The following CUX1 variants were observed in gnomAD, a reference collection of about 807,000 sequenced individuals.
The protein encoded by CUX1 is cut like homeobox 1, also known as protein CASP.
In CUX1, 31 loss-of-function variants were observed where a neutral mutation model predicts 158.8. That is an observed-to-expected ratio of 0.20 (90% confidence interval 0.15 to 0.26). The LOEUF is 0.26. Among genes scored for constraint, CUX1 ranks in the 10% least tolerant of loss-of-function variants. The pLI is 1.00. For synonymous variants in CUX1, 879 were observed against 862.1 expected, an observed-to-expected ratio of 1.02 and a Z score of -0.34; for missense variants, 1,589 against 2,014.6, an observed-to-expected ratio of 0.79 and a Z score of 4.04.
intron 8 of CUX1, among the ~76,000 whole-genome samples, chr7:102,148,244 A>G (rs111896632): frequency 6.6e-6 from 1 of 152,162 alleles, no homozygotes. Flanking sequence ...AAGAAACAGA[A>G]CAGGACTAAA....
intron 3 of CUX1, among the ~76,000 whole-genome samples, chr7:102,044,183 G>A (rs1048388525): frequency 8.6e-5 from 13 of 150,414 alleles, no homozygotes; most frequent in East Asian, 4.0e-4. Context: ...CCCATTTTCC[G>A]TTTTTTTGTT....
At chr7:101,997,930 C>T (rs1816175138) in intron 2 of CUX1, among the ~76,000 whole-genome samples, 1 of 151,114 alleles carries the variant, frequency 6.6e-6, no homozygotes, top group Non-Finnish European at 1.5e-5. Context: ...GCAGTCCTTG[C>T]TGGCCTGACT....
At chr7:102,259,178 C>T (rs1554543003), downstream of CUX1, among the ~76,000 whole-genome samples, 1 of 152,184 alleles carries the variant, frequency 6.6e-6, no homozygotes, top group East Asian at 1.9e-4. Context: ...ATGGAGACAC[C>T]CCCCAGTGCC....
chr7:102,113,843 C>T (rs1831187111), intron 7 of CUX1, among the ~76,000 whole-genome samples: 1 of 152,104 alleles, frequency 6.6e-6, no homozygotes, highest in Non-Finnish European at 1.5e-5. Context: ...TGGGGGATTA[C>T]AGGTGTGGGC....
intron 8 of CUX1, among the ~76,000 whole-genome samples, chr7:102,144,391 C>T (rs183587594): frequency 3.3e-4 from 51 of 152,254 alleles, no homozygotes; most frequent in African/African-American, 1.1e-3. Context: ...TGGCCCATCC[C>T]GTCTCACCTG....
chr7:102,255,388 A>AG lies in CUX1; in HGVS notation c.*6346_*6347insG. ...GGGCATTGTAGGCGAAAAATCCCAA[A>AG]AAAAAAAAAAGACAAAAAAAAAAGG... On this transcript the variant is annotated 3_prime_UTR_variant, in exon 24 of 24. Transcript: ENST00000292535. 1 of 977,496 alleles carries AG rather than the reference A, an allele frequency of 1.0e-6. No homozygotes were observed. Among genetic ancestry groups the AG allele is most frequent in the Non-Finnish European group, 1.2e-6 (1 of 823,566 alleles). 60.6% of individuals were successfully genotyped at this position (977,496 alleles called of 1,614,324 possible).
At chr7:102,243,557 T>C (rs1800448821) in intron 23 of CUX1, among the ~76,000 whole-genome samples, 1 of 150,922 alleles carries the variant, frequency 6.6e-6, no homozygotes, top group Admixed American at 6.6e-5. Context: ...TCCACCACAT[T>C]GGGAGGCTGA....
At chr7:102,065,512 T>TGCGGA (rs1188036662) in intron 3 of CUX1, among the ~76,000 whole-genome samples, 3 of 152,238 alleles carry the variant, frequency 2.0e-5, no homozygotes, top group Admixed American at 6.5e-5. Context: ...CATTCTTGTC[T>TGCGGA]GCGGAGCGGA....
At chr7:101,963,950 G>A (rs559014556) in intron 2 of CUX1, among the ~76,000 whole-genome samples, 48 of 152,222 alleles carry the variant, frequency 3.2e-4, no homozygotes, top group African/African-American at 1.1e-3. Flanking sequence ...CTGTGCCTGG[G>A]CAAGCCAATA....
rs1482811294 is a variant in CUX1 at position 102,250,467 on chromosome 7, T to A, written c.*1425T>A. 6.1e-6 allele frequency: 6 copies of A among 985,316 alleles called. No homozygotes were observed. The highest frequency in any genetic ancestry group is 7.2e-6 in the Non-Finnish European group (6 of 829,966). The allele number at this position is 985,316 out of a possible 1,614,324, so 61.0% of individuals were successfully genotyped here. A position where few individuals can be genotyped will look rare whatever the true frequency, so the allele number is the denominator to read the frequency against. The stretch of plus-strand genomic sequence containing the variant: ...GGGCTTACACGCGCACTCTCTCTCT[T>A]CTTTCCCTTTTTCTTCCCACCGCAA... On this transcript the variant is annotated 3_prime_UTR_variant, in exon 24 of 24. Transcript: ENST00000292535.
chr7:102,062,416 A>G (rs1389825540), intron 3 of CUX1, among the ~76,000 whole-genome samples: 1 of 152,210 alleles, frequency 6.6e-6, no homozygotes, highest in Non-Finnish European at 1.5e-5. Context: ...GTGGATTTCT[A>G]TGAAACTTGT....
Position 102,249,266 on chromosome 7 carries a change from G to A in CUX1, c.*224G>A. The A allele has an allele frequency of 9.4e-7, 1 of 1,058,802 alleles. No homozygotes were observed. The allele number at this position is 1,058,802 out of a possible 1,614,324, so 65.6% of individuals were successfully genotyped here. On this transcript the variant is annotated 3_prime_UTR_variant, in exon 24 of 24. Transcript: ENST00000292535. Reference sequence around the variant, plus strand: ...GGCCCAGACCCACTCTGCGGCCCGGGCCGACCCTGCGGCCTCCACCAACCC... The same window carrying A: ...GGCCCAGACCCACTCTGCGGCCCGGACCGACCCTGCGGCCTCCACCAACCC...
chr7:102,121,351 T>G (rs1832020544), intron 8 of CUX1, among the ~76,000 whole-genome samples: 3 of 150,220 alleles, frequency 2.0e-5, no homozygotes, highest in South Asian at 4.2e-4. Flanking sequence ...CTTTTTGGTT[T>G]TTTTTTTTTT....
Position 102,008,159 on chromosome 7 carries a change from T to A in CUX1, c.142-19939T>A, listed in dbSNP as rs944369444. Among the ~76,000 whole-genome samples the A allele has an allele frequency of 3.3e-5, 5 of 152,164 alleles. No individual in the cohort carries two copies. In the East Asian group the frequency reaches 9.6e-4, roughly 29 times the overall value. ...AGCAGACCCTGGTCTGGTCTCTGCG[T>A]ACTACCTTTTGCATGGTTGGTGGCC... is the stretch of plus-strand genomic sequence containing the variant. On this transcript the variant is annotated intron_variant, in intron 2 of 23. Coordinates refer to ENST00000292535, the MANE Select transcript of CUX1 (RefSeq NM_181552.4).
At chr7:102,104,151 G>A (rs145423059) in intron 5 of CUX1, among the ~76,000 whole-genome samples, 185 bp from the exon 6 acceptor site, 1 of 151,932 alleles carries the variant, frequency 6.6e-6, no homozygotes, top group African/African-American at 2.4e-5. Flanking sequence ...AACGTTTAAA[G>A]TTCAATTTAA....
In CUX1 at chr7:102,248,470, G is replaced by T; in HGVS notation, c.3946G>T (p.Ala1316Ser). The change falls in exon 24 of 24, where the codon GCG becomes TCG. Residue 1316 changes from alanine (A) to serine (S), a missense_variant. Ala to Ser is a moderately conservative substitution (Grantham distance 99, BLOSUM62 1). This residue lies in a region of CUX1 where 344 missense variants were observed against 323.7 expected (regional missense o/e 1.06). Coordinates refer to ENST00000292535, the MANE Select transcript of CUX1 (RefSeq NM_181552.4). This position sits in a 1 kb window ranked among gnomAD's most constrained non-coding sequence, Gnocchi z 5.8. The stretch of plus-strand genomic sequence containing the variant: ...AATTCAGGCCGGGAGTCAGGGCCAG[G>T]CGGGCGCCAGCGACTCACCCTCGGC... ...EEIQAGSQGQ[A>S]GASDSPSARS... is the part of the protein sequence containing the mutation. 6.3e-7 allele frequency: 1 copy of T among 1,594,268 alleles called. No individual in the cohort carries two copies.
At chr7:101,999,928 C>A (rs1169240589) in intron 2 of CUX1, among the ~76,000 whole-genome samples, 5 of 152,048 alleles carry the variant, frequency 3.3e-5, no homozygotes, top group Admixed American at 2.6e-4. Context: ...TCTAAAGAGA[C>A]CCTAGTGGCA....
chr7:101,905,876 C>T (rs867693899), intron 1 of CUX1, among the ~76,000 whole-genome samples: 1 of 152,062 alleles, frequency 6.6e-6, no homozygotes, highest in Non-Finnish European at 1.5e-5. Context: ...TTTAATGAGA[C>T]AGGGTCTTGC....
intron 20 of CUX1, among the ~76,000 whole-genome samples, chr7:102,213,553 A>G (rs1379349551): frequency 6.6e-6 from 1 of 152,214 alleles, no homozygotes; most frequent in Admixed American, 6.5e-5. Context: ...AAGGCCCGAC[A>G]GGCCCAGTCC....
Sources: gnomAD v4.1 joint callset for allele counts (sites outside exome capture counted in the v4.1 genomes callset) on GRCh38, gnomAD v4.1.1 for gene constraint, gnomAD v4.1.1 regional missense constraint, Gnocchi (gnomAD v3.1) non-coding constraint, MANE v1.5 for transcripts, NCBI Gene and HGNC (gene_info 2026-07-23, HGNC 2026-07-21) for gene names.